The following FARP2 variants were observed in gnomAD, a reference collection of about 807,000 sequenced individuals.
FARP2 encodes FERM, ARH/RhoGEF and pleckstrin domain protein 2.
Under a neutral mutation model 130.5 loss-of-function variants are expected in FARP2, and 111 were observed. The ratio of observed to expected loss-of-function variants is 0.85; its 90% CI spans 0.73 to 1.00. The LOEUF (loss-of-function observed/expected upper bound fraction) is 1.00, where lower values mean the gene tolerates loss of function less well. Ranked by LOEUF, FARP2 falls within the 50% of genes least tolerant of loss-of-function variation. The pLI is 0.00. For synonymous variants in FARP2, 504 were observed against 516.9 expected (o/e 0.98, Z 0.34); for missense variants, 1,385 against 1,346.3 (o/e 1.03, Z -0.45).
chr2:241,411,423 A>G (rs1321230182), intron 6 of FARP2, among the ~76,000 whole-genome samples: 1 of 152,242 alleles, frequency 6.6e-6, no homozygotes, highest in Non-Finnish European at 1.5e-5. Flanking sequence ...CCAGCAATGC[A>G]TATTCAGTCT....
chr2:241,433,654 T>C (rs2063146549), intron 9 of FARP2, among the ~76,000 whole-genome samples: 1 of 152,238 alleles, frequency 6.6e-6, no homozygotes, highest in Admixed American at 6.5e-5. Flanking sequence ...CTGCTAGTTC[T>C]ACTATGAATA....
At chr2:241,385,502 A>G (rs1381057267) in intron 2 of FARP2, among the ~76,000 whole-genome samples, 1 of 152,198 alleles carries the variant, frequency 6.6e-6, no homozygotes, top group Non-Finnish European at 1.5e-5. Flanking sequence ...CAAGTGGATC[A>G]TTTGAGCTCA....
intron 2 of FARP2, among the ~76,000 whole-genome samples, chr2:241,402,147 A>G (rs2062185592): frequency 6.6e-6 from 1 of 152,234 alleles, no homozygotes. Context: ...GTACAGTTGT[A>G]TGAAAGTATC....
At chr2:241,473,330 C>T (rs1275004407) in intron 18 of FARP2, among the ~76,000 whole-genome samples, 3 of 151,522 alleles carry the variant, frequency 2.0e-5, no homozygotes, top group East Asian at 1.9e-4. Context: ...CTGAGGGGAC[C>T]ATGTTCCAAG....
intron 1 of FARP2, among the ~76,000 whole-genome samples, chr2:241,371,015 A>G (rs2061412120): frequency 6.6e-6 from 1 of 152,174 alleles, no homozygotes; most frequent in South Asian, 2.1e-4. Context: ...TGTTTTGTTC[A>G]TAGTACTCAC....
chr2:241,366,177 G>GGTTA (rs1312317567), intron 1 of FARP2, among the ~76,000 whole-genome samples: 44 of 102,150 alleles, frequency 4.3e-4, no homozygotes, highest in Non-Finnish European at 2.3e-4. Context: ...TTTTAACAGA[G>GGTTA]GTTAGCATGC....
intron 1 of FARP2, among the ~76,000 whole-genome samples, chr2:241,361,904 AT>A (rs1361882147): frequency 1.3e-5 from 2 of 149,056 alleles, no homozygotes; most frequent in Admixed American, 6.7e-5. Flanking sequence ...TTATTTATTT[AT>A]TTTTTTTTAG....
chr2:241,419,818 G>C (rs1182688751), intron 8 of FARP2, among the ~76,000 whole-genome samples: 2 of 152,146 alleles, frequency 1.3e-5, no homozygotes, highest in African/African-American at 4.8e-5. Flanking sequence ...TATCAGCCTT[G>C]TTTGTGATAG....
At chr2:241,400,070 T>A (rs933287087) in intron 2 of FARP2, among the ~76,000 whole-genome samples, 6 of 152,224 alleles carry the variant, frequency 3.9e-5, no homozygotes, top group African/African-American at 1.4e-4. Context: ...TGAATGTGCT[T>A]GCACCTGCGT....
chr2:241,414,750 G>T (rs1192964520), intron 7 of FARP2, among the ~76,000 whole-genome samples: 1 of 152,250 alleles, frequency 6.6e-6, no homozygotes, highest in Admixed American at 6.5e-5. Flanking sequence ...AATGTGTGCA[G>T]TGTAGCGGGA....
chr2:241,480,648 C>A (rs1441826220), intron 19 of FARP2, among the ~76,000 whole-genome samples: 1 of 151,446 alleles, frequency 6.6e-6, no homozygotes, highest in African/African-American at 2.4e-5. Flanking sequence ...AGTTGAATGC[C>A]TAAGTTTCCC....
chr2:241,362,519 G>A (rs923300133), intron 1 of FARP2, among the ~76,000 whole-genome samples: 19 of 152,176 alleles, frequency 1.2e-4, no homozygotes, highest in Admixed American at 6.5e-5. Flanking sequence ...GGAGAATGGC[G>A]TGAACCCAGG....
intron 21 of FARP2, among the ~76,000 whole-genome samples, chr2:241,485,963 A>G (rs2064743003): frequency 6.6e-6 from 1 of 152,180 alleles, no homozygotes; most frequent in Admixed American, 6.5e-5. Context: ...CCTCCTGACA[A>G]TGAGCGCCAA....
intron 2 of FARP2, chr2:241,395,621 C>G (rs1475583675): frequency 6.6e-6 from 1 of 152,194 alleles, no homozygotes; most frequent in African/African-American, 2.4e-5. Flanking sequence ...TACTTCTGGT[C>G]ATGTTGAATT....
At chr2:241,486,482 A>C (rs1459510717) in intron 21 of FARP2, among the ~76,000 whole-genome samples, 2 of 138,048 alleles carry the variant, frequency 1.4e-5, no homozygotes, top group Non-Finnish European at 3.1e-5. Flanking sequence ...AAAAAAAAAA[A>C]AAAAACACAG....
intron 1 of FARP2, chr2:241,372,717 G>A (rs140258661): frequency 6.5e-6 from 1 of 154,698 alleles, no homozygotes; most frequent in African/African-American, 2.4e-5. Context: ...GTGTGCCAGG[G>A]AGTGGGCAGC....
intron 13 of FARP2, 116 bp from the exon 14 acceptor site, chr2:241,456,631 C>T (rs188177464): frequency 3.2e-5 from 29 of 897,184 alleles, no homozygotes; most frequent in South Asian, 9.3e-5. Flanking sequence ...TTACAGGAAG[C>T]GCCTGGCACT....
At chr2:241,406,454 G>A (rs963451740) in intron 4 of FARP2, among the ~76,000 whole-genome samples, 20 of 152,032 alleles carry the variant, frequency 1.3e-4, no homozygotes, top group African/African-American at 4.8e-4. Context: ...GCATGTTTTT[G>A]TGTGTGGAGG....
At chr2:241,410,887 G>C in intron 5 of FARP2, 146 bp from the exon 6 acceptor site, 4 of 603,320 alleles carry the variant, frequency 6.6e-6, no homozygotes, top group Non-Finnish European at 8.9e-6. Context: ...TGACTTTGCT[G>C]TTTCGTGACC....
Sources: allele counts gnomAD v4.1 joint callset (sites outside exome capture counted in the v4.1 genomes callset), GRCh38; gene constraint gnomAD v4.1.1; transcripts MANE v1.5; gene names NCBI Gene and HGNC (gene_info 2026-07-23, HGNC 2026-07-21).